The following NFIL3 variants were observed in gnomAD, a reference collection of about 807,000 sequenced individuals.
NFIL3 encodes the protein nuclear factor interleukin-3-regulated protein.
In NFIL3, 5 loss-of-function variants were observed where a neutral mutation model predicts 10.0. The observed-to-expected ratio is 0.50, with a 90% CI of 0.26 to 1.06. NFIL3 has a LOEUF of 1.06. NFIL3 is among the 50% of genes least tolerant of loss of function. NFIL3 has a pLI of 0.13. For missense variants in NFIL3, 436 were observed against 547.6 expected, an observed-to-expected ratio of 0.80 and a Z score of 2.03; for synonymous variants, 202 against 206.5, an observed-to-expected ratio of 0.98 and a Z score of 0.19.
intron 1 of NFIL3, among the ~76,000 whole-genome samples, chr9:91,420,798 G>A (rs761914188): frequency 6.6e-6 from 1 of 152,156 alleles, no homozygotes; most frequent in Admixed American, 6.5e-5. Context: ...TGAAAGTACT[G>A]TAGTTTTACA....
At chr9:91,434,844 G>T in the NFIL3 span, among the ~76,000 whole-genome samples, 3 of 151,980 alleles carry the variant, frequency 2.0e-5, no homozygotes, top group African/African-American at 7.3e-5. Context: ...TAAAGCTATC[G>T]CAATTAAAAA....
intron 1 of NFIL3, among the ~76,000 whole-genome samples, chr9:91,422,279 C>T (rs1833784881): frequency 6.6e-6 from 1 of 152,186 alleles, no homozygotes; most frequent in Middle Eastern, 3.2e-3. Context: ...TGGCCTTGAA[C>T]TTGTATTTGC....
At chr9:91,458,118 T>C in the NFIL3 span, among the ~76,000 whole-genome samples, 2 of 152,102 alleles carry the variant, frequency 1.3e-5, no homozygotes, top group African/African-American at 4.8e-5. Context: ...ATTAAAAAAA[T>C]ACATTTGTTA....
the NFIL3 span, among the ~76,000 whole-genome samples, chr9:91,479,476 A>T: frequency 6.6e-6 from 1 of 152,170 alleles, no homozygotes; most frequent in Non-Finnish European, 1.5e-5. Flanking sequence ...AAGCCTCAGT[A>T]ATGGCAGATG....
chr9:91,468,381 G>A, the NFIL3 span, among the ~76,000 whole-genome samples: 1 of 152,160 alleles, frequency 6.6e-6, no homozygotes, highest in African/African-American at 2.4e-5. Context: ...TTTTGATGGG[G>A]TTGTTTGTTT....
chr9:91,482,122 C>T, the NFIL3 span, among the ~76,000 whole-genome samples: 1,844 of 152,170 alleles, frequency 0.012, 41 homozygotes, highest in African/African-American at 0.042. Context: ...AGTTAAAATG[C>T]GCATACCCTT....
intron 1 of NFIL3, among the ~76,000 whole-genome samples, chr9:91,415,416 G>C (rs1290275762): frequency 6.6e-6 from 1 of 152,176 alleles, no homozygotes; most frequent in Non-Finnish European, 1.5e-5. Context: ...GACTTGCCCA[G>C]TGTCACATAG....
At chr9:91,467,767 A>G in the NFIL3 span, among the ~76,000 whole-genome samples, 1 of 148,504 alleles carries the variant, frequency 6.7e-6, no homozygotes, top group African/African-American at 2.5e-5. Context: ...ATTCCCACCT[A>G]TGAGTGAGAA....
chr9:91,445,397 G>A, the NFIL3 span, among the ~76,000 whole-genome samples: 11 of 152,208 alleles, frequency 7.2e-5, no homozygotes, highest in African/African-American at 2.7e-4. Flanking sequence ...CCTGAGGACC[G>A]GGGAGTAGAC....
chr9:91,452,923 TCA>T, the NFIL3 span, among the ~76,000 whole-genome samples: 2 of 152,024 alleles, frequency 1.3e-5, no homozygotes, highest in African/African-American at 4.8e-5. Context: ...GAGGCCTGTC[TCA>T]GAGACTTTTG....
In NFIL3 at chr9:91,409,859, T is replaced by C; in HGVS notation, c.876A>G (p.Gln292=). Residue 292 remains glutamine (Q), a synonymous_variant, in exon 2 of 2, where the codon CAA becomes CAG. Coordinates refer to ENST00000297689, the MANE Select transcript of NFIL3 (RefSeq NM_005384.3). ...VGKSSDGEDE[Q]QVPKGPIHSP... ...AATGGATGGGGCCCTTGGGGACCTG[T>C]TGCTCGTCTTCTCCATCAGATGACT... 3 of 1,614,082 alleles carry C rather than the reference T, an allele frequency of 1.9e-6. No homozygotes were observed. The highest frequency in any genetic ancestry group is 1.3e-5 in the African/African-American group (1 of 75,010).
the NFIL3 span, among the ~76,000 whole-genome samples, chr9:91,457,431 T>C: frequency 6.6e-6 from 1 of 152,082 alleles, no homozygotes; most frequent in East Asian, 1.9e-4. Context: ...CAATATCTTA[T>C]AGTTTTCAGT....
At chr9:91,454,598 G>A in the NFIL3 span, among the ~76,000 whole-genome samples, 1 of 152,182 alleles carries the variant, frequency 6.6e-6, no homozygotes, top group Non-Finnish European at 1.5e-5. Flanking sequence ...TTGGGAGGCT[G>A]AGGCAGGTGG....
the NFIL3 span, among the ~76,000 whole-genome samples, chr9:91,456,942 C>G: frequency 1.3e-5 from 2 of 151,908 alleles, no homozygotes; most frequent in African/African-American, 2.4e-5. Flanking sequence ...GTTTTGTTTG[C>G]ATATGGATAT....
At chr9:91,445,276 A>G in the NFIL3 span, among the ~76,000 whole-genome samples, 1 of 152,166 alleles carries the variant, frequency 6.6e-6, no homozygotes, top group Admixed American at 6.5e-5. Flanking sequence ...GAGATACCAC[A>G]CAGTAGTGAC....
At chr9:91,427,600 G>A (rs566556116), upstream of NFIL3, among the ~76,000 whole-genome samples, 1 of 149,508 alleles carries the variant, frequency 6.7e-6, no homozygotes, top group Admixed American at 6.7e-5. Context: ...CAGTTTCTGG[G>A]AATCCATAGC....
the NFIL3 span, among the ~76,000 whole-genome samples, chr9:91,454,569 T>C: frequency 6.6e-6 from 1 of 152,214 alleles, no homozygotes; most frequent in African/African-American, 2.4e-5. Context: ...CAGTGGCTCA[T>C]GCCTGTAATC....
At chr9:91,425,795 G>A (rs1833866762), upstream of NFIL3, among the ~76,000 whole-genome samples, 1 of 152,186 alleles carries the variant, frequency 6.6e-6, no homozygotes, top group South Asian at 2.1e-4. Context: ...CAAATTTACT[G>A]ATAGTTTCCT....
chr9:91,459,643 C>G, the NFIL3 span, among the ~76,000 whole-genome samples: 1 of 152,156 alleles, frequency 6.6e-6, no homozygotes, highest in Non-Finnish European at 1.5e-5. Context: ...TATAATCATA[C>G]CTCTGCACTC....
Sources: allele counts gnomAD v4.1 joint callset (sites outside exome capture counted in the v4.1 genomes callset), GRCh38; gene constraint gnomAD v4.1.1; transcripts MANE v1.5; gene names NCBI Gene and HGNC (gene_info 2026-07-23, HGNC 2026-07-21).